Variants in DDX6 observed in about 807,000 individuals in gnomAD.
DDX6 encodes the protein DEAD-box helicase 6, also known as probable ATP-dependent RNA helicase DDX6.
A neutral mutation model predicts 60.6 loss-of-function variants in DDX6; 7 were observed. That is an observed-to-expected ratio of 0.12 (90% CI 0.07 to 0.22). DDX6 has a LOEUF of 0.22. Ranked by LOEUF, DDX6 falls within the 10% of genes least tolerant of loss-of-function variation. The pLI is 1.00. For synonymous variants in DDX6, 207 were observed against 201.0 expected, an observed-to-expected ratio of 1.03 and a Z score of -0.25; for missense variants, 270 against 589.9, an observed-to-expected ratio of 0.46 and a Z score of 5.62.
At position 118,748,047 on chromosome 11, in the gene DDX6, T is replaced by A. The variant is rs1184041829; in HGVS notation, c.*4058A>T. Reference sequence around the variant, plus strand: ...CTAGGGACATTGGAATTCTCTACCATTTTTACTGAACAAAAAATAATTTTT... The same window carrying A: ...CTAGGGACATTGGAATTCTCTACCAATTTTACTGAACAAAAAATAATTTTT... On this transcript the variant is annotated 3_prime_UTR_variant, in exon 14 of 14. Transcript: ENST00000534980. The A allele has an allele frequency of 6.6e-6, 1 of 152,034 alleles. No individual in the cohort carries two copies. Among genetic ancestry groups the A allele is most frequent in the Non-Finnish European group, 1.5e-5 (1 of 68,008 alleles). The allele number at this position is 152,034 out of a possible 1,614,324, so 9.4% of individuals were successfully genotyped here.
intron 7 of DDX6, among the ~76,000 whole-genome samples, chr11:118,761,444 C>G (rs1263491880): frequency 6.6e-6 from 1 of 152,032 alleles, no homozygotes; most frequent in Non-Finnish European, 1.5e-5. Context: ...TGGAGAAACC[C>G]TGTCTCTGCT....
At chr11:118,774,368 G>A (rs185927244) in intron 4 of DDX6, among the ~76,000 whole-genome samples, 4 of 151,896 alleles carry the variant, frequency 2.6e-5, no homozygotes, top group East Asian at 1.9e-4. Context: ...CTAGAAATAC[G>A]TTGTGGGAGC....
intron 4 of DDX6, among the ~76,000 whole-genome samples, chr11:118,775,139 AC>A (rs1206795774): frequency 6.6e-6 from 1 of 151,852 alleles, no homozygotes; most frequent in Non-Finnish European, 1.5e-5. Context: ...ACATGGTGAA[AC>A]CCCGTCTCCA....
rs574758152 is a variant in DDX6 at position 118,754,899 on chromosome 11, G to T, written c.1277-12C>A. 3 of 1,579,734 alleles carry T rather than the reference G, an allele frequency of 1.9e-6. No homozygotes were observed. The highest frequency in any genetic ancestry group is 2.7e-5 in the African/African-American group (2 of 72,756). ...ATGACCAAAGCGACCTAAAAAACAT[G>T]CGTTTAAAAATTTTAATGAATAAAA... On this transcript the variant is annotated splice_polypyrimidine_tract_variant and intron_variant, in intron 12 of 13. Coordinates refer to ENST00000534980, the MANE Select transcript of DDX6 (RefSeq NM_004397.6).
rs1433855514 is a variant in DDX6, at chr11:118,751,430, A to T, written c.*675T>A. On this transcript the variant is annotated 3_prime_UTR_variant, in exon 14 of 14. Coordinates refer to ENST00000534980, the MANE Select transcript of DDX6 (RefSeq NM_004397.6). ...AGTTGCATATCAACTCCTCCCCAAA[A>T]AGAAAAAAAAAATGGTGTTTAACAT... The T allele has an allele frequency of 6.6e-6, 1 of 152,078 alleles. No individual in the cohort carries two copies. The highest frequency in any genetic ancestry group is 1.5e-5 in the Non-Finnish European group (1 of 68,036). The allele number at this position is 152,078 out of a possible 1,614,324, so 9.4% of individuals were successfully genotyped here. A position where few individuals can be genotyped will look rare whatever the true frequency, so the allele number is the denominator to read the frequency against.
rs36063767 is a variant in DDX6, at chr11:118,751,067, GTATATATATA to G, written c.*1028_*1037del. ...CATCCAAAAAAAAATATATATATAT[GTATATATATA>G]TATATATATGAACCCAGAAAAAAAA... On this transcript the variant is annotated 3_prime_UTR_variant, in exon 14 of 14. Coordinates refer to ENST00000534980, the MANE Select transcript of DDX6 (RefSeq NM_004397.6). 1 of 140,198 alleles carries G rather than the reference GTATATATATA, an allele frequency of 7.1e-6. No individual in the cohort carries two copies. The highest frequency in any genetic ancestry group is 1.5e-5 in the Non-Finnish European group (1 of 65,202). 8.7% of individuals were successfully genotyped at this position (140,198 alleles called of 1,614,324 possible). A position where few individuals can be genotyped will look rare whatever the true frequency, so the allele number is the denominator to read the frequency against.
At chr11:118,775,521 T>C (rs1379598731) in intron 4 of DDX6, among the ~76,000 whole-genome samples, 2 of 151,184 alleles carry the variant, frequency 1.3e-5, no homozygotes, top group East Asian at 1.9e-4. Context: ...GACAAAACAA[T>C]AGGAAAGAAA....
chr11:118,755,094 T>C (rs1322241846), intron 12 of DDX6, among the ~76,000 whole-genome samples: 1 of 152,158 alleles, frequency 6.6e-6, no homozygotes, highest in Non-Finnish European at 1.5e-5. Flanking sequence ...TCATTTCACC[T>C]TTCTCAAATG....
intron 4 of DDX6, among the ~76,000 whole-genome samples, chr11:118,769,707 T>C (rs1861472599): frequency 1.3e-5 from 2 of 151,638 alleles, no homozygotes; most frequent in Non-Finnish European, 2.9e-5. Context: ...GGAAATTATG[T>C]GGAATTTTTT....
Position 118,759,905 on chromosome 11 carries a change from TAC to T in DDX6, c.864+15_864+16del. On this transcript the variant is annotated intron_variant, in intron 8 of 13. Coordinates refer to ENST00000534980, the MANE Select transcript of DDX6 (RefSeq NM_004397.6). The stretch of plus-strand genomic sequence containing the variant: ...GTCACAGGATGGCACTGATTCCAAG[TAC>T]AGATTTATACTCACCATGAACTTCT... The T allele has an allele frequency of 6.2e-7, 1 of 1,606,526 alleles. No individual in the cohort carries two copies.
rs1862069339 is a variant in DDX6 at position 118,786,197 on chromosome 11, C to T, written c.55G>A (p.Gly19Ser). 3 of 1,613,950 alleles carry T rather than the reference C, an allele frequency of 1.9e-6. No individual in the cohort carries two copies. The African/African-American group carries it at 4.0e-5, about 22-fold the overall frequency. The change falls in exon 2 of 14, where the codon GGT becomes AGT. Residue 19 changes from glycine (G) to serine (S), a missense_variant. This residue lies in a region of DDX6 where 102 missense variants were observed against 110.5 expected (regional missense o/e 0.92). Coordinates refer to ENST00000534980, the MANE Select transcript of DDX6 (RefSeq NM_004397.6). ...GGTTTCACAGGGCCTCTCAGCTGAC[C>T]ATTTTGACTGGACAGACCCATTATA... ...PVIMGLSSQN[G>S]QLRGPVKPTG...
intron 5 of DDX6, 122 bp from the exon 6 acceptor site, chr11:118,765,477 A>C (rs1166188366): frequency 1.0e-6 from 1 of 985,604 alleles, no homozygotes; most frequent in African/African-American, 1.6e-5. Context: ...GCAGTGGCTC[A>C]CACCTGTAAC....
chr11:118,751,333 A>G lies in DDX6; in HGVS notation c.*772T>C, dbSNP rs1555157281. ...TTGGGAGCGATGATGTTTTTTATCTACTCAGCCCAGAAGAAATTTTTACTT... is the reference window on the plus strand; with the variant it reads ...TTGGGAGCGATGATGTTTTTTATCTGCTCAGCCCAGAAGAAATTTTTACTT... On this transcript the variant is annotated 3_prime_UTR_variant, in exon 14 of 14. Coordinates refer to ENST00000534980, the MANE Select transcript of DDX6 (RefSeq NM_004397.6). 6.6e-6 allele frequency: 1 copy of G among 151,804 alleles called. No individual in the cohort carries two copies. Among genetic ancestry groups the G allele is most frequent in the East Asian group, 1.9e-4 (1 of 5,190 alleles). 9.4% of individuals were successfully genotyped at this position (151,804 alleles called of 1,614,324 possible). A position where few individuals can be genotyped will look rare whatever the true frequency, so the allele number is the denominator to read the frequency against.
intron 9 of DDX6, among the ~76,000 whole-genome samples, 187 bp from the exon 10 acceptor site, chr11:118,757,474 A>T (rs1188923260): frequency 2.0e-5 from 3 of 152,192 alleles, no homozygotes; most frequent in African/African-American, 7.2e-5. Context: ...AATATCTAAG[A>T]TTTACCGTAT....
At chr11:118,783,001 CA>C (rs1565578825) in intron 2 of DDX6, among the ~76,000 whole-genome samples, 1 of 152,042 alleles carries the variant, frequency 6.6e-6, no homozygotes, top group East Asian at 1.9e-4. Context: ...TTGAATTCAA[CA>C]AAATAGTGAA....
chr11:118,767,626 C>CTTTTTTTTTTTT (rs5795138), intron 5 of DDX6: 5 of 88,736 alleles, frequency 5.6e-5, no homozygotes, highest in African/African-American at 1.5e-4. Context: ...CCTCAGCCGC[C>CTTTTTTTTTTTT]TTTTTTTTTT....
At chr11:118,784,123 A>G (rs1008037241) in intron 2 of DDX6, among the ~76,000 whole-genome samples, 1 of 151,102 alleles carries the variant, frequency 6.6e-6, no homozygotes, top group African/African-American at 2.4e-5. Context: ...AAAATTAAAA[A>G]TAGTCTAAAT....
rs539573697 is a variant in DDX6, at chr11:118,750,916, T to C, written c.*1189A>G. On this transcript the variant is annotated 3_prime_UTR_variant, in exon 14 of 14. Transcript: ENST00000534980. ...GCCCCTTTACTAACACAGGGTACCA[T>C]AGAAATCTGCTCTCTACAGCACGAG... 9.9e-4 allele frequency: 151 copies of C among 152,518 alleles called. No individual in the cohort carries two copies. The highest frequency in any genetic ancestry group is 1.9e-3 in the Non-Finnish European group (130 of 67,982). The allele number at this position is 152,518 out of a possible 1,614,324, so 9.4% of individuals were successfully genotyped here. A position where few individuals can be genotyped will look rare whatever the true frequency, so the allele number is the denominator to read the frequency against.
intron 10 of DDX6, among the ~76,000 whole-genome samples, chr11:118,756,756 C>T (rs528986527): frequency 6.6e-6 from 1 of 152,254 alleles, no homozygotes; most frequent in East Asian, 1.9e-4. Context: ...TATCCAGTAG[C>T]AACAGGTGCC....
Sources: allele counts gnomAD v4.1 joint callset (sites outside exome capture counted in the v4.1 genomes callset), GRCh38; gene constraint gnomAD v4.1.1; regional missense constraint gnomAD v4.1.1; transcripts MANE v1.5; gene names NCBI Gene and HGNC (gene_info 2026-07-23, HGNC 2026-07-21).